The following ZNF132 variants were observed in gnomAD, a reference collection of about 807,000 sequenced individuals.
ZNF132 encodes the protein zinc finger protein 132.
In ZNF132, 6 loss-of-function variants were observed where a neutral mutation model predicts 9.3. That is an observed-to-expected ratio of 0.65 (90% CI 0.35 to 1.28). The LOEUF is 1.28. Among genes scored for constraint, ZNF132 ranks in the 50% most tolerant of loss-of-function variants. ZNF132 has a pLI of 0.03. For missense variants in ZNF132, 877 were observed against 843.2 expected (o/e 1.04, Z -0.50); for synonymous variants, 296 against 292.0 (o/e 1.01, Z -0.14).
chr19:58,437,706 T>C, intron 1 of ZNF132: 1 of 985,282 alleles, frequency 1.0e-6, no homozygotes, highest in Non-Finnish European at 1.2e-6. Flanking sequence ...CCCTAGCATC[T>C]CACCATGCAC....
chr19:58,436,908 C>G lies in ZNF132; in HGVS notation c.232+139G>C, dbSNP rs187508463. On this transcript the variant is annotated intron_variant, in intron 2 of 2. Coordinates refer to ENST00000254166, the MANE Select transcript of ZNF132 (RefSeq NM_003433.4). ...ACAGGGGAAGTACACACAGCAGAAC[C>G]TCAGCACCCCAGCACCTACAACAGG... The G allele has an allele frequency of 1.3e-4, 153 of 1,173,066 alleles. 1 individual carries two copies. Among genetic ancestry groups the G allele is most frequent in the African/African-American group, 6.6e-4 (44 of 66,502 alleles). The allele number at this position is 1,173,066 out of a possible 1,614,324, so 72.7% of individuals were successfully genotyped here.
At chr19:58,438,110 C>T (rs778807443) in intron 1 of ZNF132, among the ~76,000 whole-genome samples, 45 of 152,252 alleles carry the variant, frequency 3.0e-4, no homozygotes, top group African/African-American at 6.0e-4. Flanking sequence ...GAAGGATGGC[C>T]GCAACAATGT....
chr19:58,438,724 C>G (rs1048090024), intron 1 of ZNF132, among the ~76,000 whole-genome samples: 18 of 151,356 alleles, frequency 1.2e-4, no homozygotes, highest in African/African-American at 4.1e-4. Context: ...CCACCTGCCT[C>G]GGCCTCCCAA....
At position 58,434,186 on chromosome 19, in the gene ZNF132, G is replaced by T; in HGVS notation, c.1258C>A (p.Gln420Lys). Reference sequence around the variant, plus strand: ...TCTCCAGTGTGAACTCTCCAGTGCTGAATGAGAGCAGAGCTTCGGCTGAAG... The same window carrying T: ...TCTCCAGTGTGAACTCTCCAGTGCTTAATGAGAGCAGAGCTTCGGCTGAAG... ...KSFSRSSALI[Q>K]HWRVHTGERP... Residue 420 changes from glutamine (Q) to lysine (K), a missense_variant, in exon 3 of 3, where the codon CAG becomes AAG. By Grantham distance (53) the Gln-to-Lys change is moderately conservative (BLOSUM62 1). Transcript: ENST00000254166. 1 of 1,614,202 alleles carries T rather than the reference G, an allele frequency of 6.2e-7. No individual in the cohort carries two copies. Among genetic ancestry groups the T allele is most frequent in the Non-Finnish European group, 8.5e-7 (1 of 1,180,042 alleles).
chr19:58,440,069 G>A lies in ZNF132; in HGVS notation c.-248C>T, dbSNP rs955991880. 7.8e-6 allele frequency: 4 copies of A among 515,758 alleles called. 1 individual carries two copies. Among genetic ancestry groups the A allele is most frequent in the Middle Eastern group, 9.5e-4 (2 of 2,096 alleles). 31.9% of individuals were successfully genotyped at this position (515,758 alleles called of 1,614,324 possible). A position where few individuals can be genotyped will look rare whatever the true frequency, so the allele number is the denominator to read the frequency against. ...TGGTGCGTGTGAAGGCGCGGTGACG[G>A]TCCCTGCACCCACTCCCGTGCCCTG... On this transcript the variant is annotated 5_prime_UTR_variant, in exon 1 of 3. Coordinates refer to ENST00000254166, the MANE Select transcript of ZNF132 (RefSeq NM_003433.4).
chr19:58,435,292 T>C (rs947422760), intron 2 of ZNF132, 81 bp from the exon 3 acceptor site: 3 of 1,493,522 alleles, frequency 2.0e-6, no homozygotes, highest in African/African-American at 2.8e-5. Context: ...TACCCAGGAA[T>C]TCACACCCAA....
chr19:58,437,673 C>T (rs1370057137), intron 1 of ZNF132: 1 of 976,176 alleles, frequency 1.0e-6, no homozygotes, highest in East Asian at 1.1e-4. Context: ...CCAACCCCTC[C>T]CTGTTCACAC....
At position 58,437,169 on chromosome 19, in the gene ZNF132, A is replaced by G. The variant is rs765002621; in HGVS notation, c.110T>C (p.Met37Thr). The G allele has an allele frequency of 1.2e-6, 2 of 1,612,934 alleles. No individual in the cohort carries two copies. The highest frequency in any genetic ancestry group is 1.7e-4 in the Middle Eastern group (1 of 6,054). The change falls in exon 2 of 3, where the codon ATG becomes ACG. Residue 37 changes from methionine to threonine, a missense_variant. Transcript: ENST00000254166. ...TACAGCCACATCTTCAAAGGTTACC[A>G]TGCTCTTCAATGTGGGGACAGCTGA... ...CGSAVPTLKS[M>T]VTFEDVAVYF...
chr19:58,433,514 G>A lies in ZNF132; in HGVS notation c.1930C>T (p.Arg644Cys), dbSNP rs770180103. The change falls in exon 3 of 3, where the codon CGT (arginine) becomes TGT (cysteine). Residue 644 changes from arginine (R) to cysteine (C), a missense_variant. Physicochemically the swap from Arg to Cys is radical, Grantham distance 180. Coordinates refer to ENST00000254166, the MANE Select transcript of ZNF132 (RefSeq NM_003433.4). Reference protein sequence around the residue: ...RAFSSNSHLVRHQRVHTQERP... With the variant: ...RAFSSNSHLVCHQRVHTQERP... ...TCTTGTGTGTGAACTCTCTGATGAC[G>A]AACCAGGTGGGAGTTACTGCTAAAG... 1.2e-5 allele frequency: 19 copies of A among 1,613,864 alleles called. No homozygotes were observed. The highest frequency in any genetic ancestry group is 8.0e-5 in the African/African-American group (6 of 74,822).
At chr19:58,436,979 C>A (rs777032589) in intron 2 of ZNF132, 68 bp downstream of exon 2, 7 of 1,609,374 alleles carry the variant, frequency 4.3e-6, no homozygotes, top group Non-Finnish European at 5.9e-6. Context: ...TTGGGATGAA[C>A]AGAGCTTTCT....
chr19:58,438,055 A>G (rs1440724285), intron 1 of ZNF132, among the ~76,000 whole-genome samples: 7 of 151,774 alleles, frequency 4.6e-5, no homozygotes, highest in South Asian at 2.1e-4. Flanking sequence ...CCTGACAAAA[A>G]CCCCAGGACC....
Position 58,433,649 on chromosome 19 carries a change from A to G in ZNF132, c.1795T>C (p.Tyr599His). 1 of 1,614,160 alleles carries G rather than the reference A, an allele frequency of 6.2e-7. No individual in the cohort carries two copies. Among genetic ancestry groups the G allele is most frequent in the East Asian group, 2.2e-5 (1 of 44,884 alleles). Reference sequence around the variant, plus strand: ...AATTTCCCACATTCACTGCATTTATAAGGCTTTTCTCCAGTATGAACTTTC... The same window carrying G: ...AATTTCCCACATTCACTGCATTTATGAGGCTTTTCTCCAGTATGAACTTTC... ...HQKVHTGEKP[Y>H]KCSECGKFFS... The change falls in exon 3 of 3, where the codon TAT becomes CAT. Residue 599 changes from tyrosine to histidine, a missense_variant. Transcript: ENST00000254166.
chr19:58,439,702 C>G, intron 1 of ZNF132, 57 bp downstream of exon 1: 1 of 1,479,320 alleles, frequency 6.8e-7, no homozygotes, highest in Admixed American at 2.6e-5. Context: ...ATCTGGGCTT[C>G]AGGATCCTGA....
intron 2 of ZNF132, chr19:58,435,473 G>T: frequency 2.6e-6 from 1 of 388,370 alleles, no homozygotes; most frequent in East Asian, 4.4e-5. Context: ...TTCTCTAAAA[G>T]AAGATATATA....
At chr19:58,436,167 C>A (rs184248684) in intron 2 of ZNF132, 6 of 153,620 alleles carry the variant, frequency 3.9e-5, no homozygotes, top group African/African-American at 1.2e-4. Flanking sequence ...TTGCCTAGGA[C>A]CGGGGGGAAA....
In ZNF132 at chr19:58,434,457, G is replaced by A; in HGVS notation, c.987C>T (p.Asn329=). Residue 329 remains asparagine, a synonymous_variant, in exon 3 of 3, where the codon AAC becomes AAT. Transcript: ENST00000254166. ...GATGATGAACAAATGTGAGTTTGTGGTTGAAGGTTTTCCCACATGCAATGC... is the reference window on the plus strand; with the variant it reads ...GATGATGAACAAATGTGAGTTTGTGATTGAAGGTTTTCCCACATGCAATGC... ...YECIACGKTF[N]HKLTFVHHQR... The A allele has an allele frequency of 1.2e-6, 2 of 1,614,206 alleles. No individual in the cohort carries two copies. The highest frequency in any genetic ancestry group is 1.7e-6 in the Non-Finnish European group (2 of 1,180,048).
rs781624681 is a variant in ZNF132, at chr19:58,433,889, C to T, written c.1555G>A (p.Glu519Lys). Reference sequence around the variant, plus strand: ...CTGCGGCTGAAGGATTTCCTACATTCGCTGCACTCATAAGGCCTTTGCCCA... The same window carrying T: ...CTGCGGCTGAAGGATTTCCTACATTTGCTGCACTCATAAGGCCTTTGCCCA... ...HTGQRPYECS[E>K]CRKSFSRSSS... The change falls in exon 3 of 3, where the codon GAA becomes AAA. Residue 519 changes from glutamate to lysine, a missense_variant. By Grantham distance (56) the Glu-to-Lys change is moderately conservative. Transcript: ENST00000254166. 1.5e-5 allele frequency: 24 copies of T among 1,613,804 alleles called. 1 individual carries two copies. Among genetic ancestry groups the T allele is most frequent in the East Asian group, 6.7e-5 (3 of 44,872 alleles).
chr19:58,437,424 C>T (rs1356296534), intron 1 of ZNF132, among the ~76,000 whole-genome samples: 1 of 152,166 alleles, frequency 6.6e-6, no homozygotes, highest in Admixed American at 6.5e-5. Context: ...CTAGTAGTCC[C>T]ACTGGTCACT....
In ZNF132 at chr19:58,437,210, A is replaced by G. The variant is rs2052778498; in HGVS notation, c.69T>C (p.Thr23=). The stretch of plus-strand genomic sequence containing the variant: ...GGACAGCTGAGCCACAGGGCCAAGA[A>G]GTATGCTGACAAAGAAACAAACAAT... The part of the protein sequence containing the change: ...PALLMGPAQH[T]SWPCGSAVPT... Residue 23 remains threonine (T), a synonymous_variant, in exon 2 of 3, where the codon ACT becomes ACC. Coordinates refer to ENST00000254166, the MANE Select transcript of ZNF132 (RefSeq NM_003433.4). 1 of 1,592,012 alleles carries G rather than the reference A, an allele frequency of 6.3e-7. No homozygotes were observed.
Sources: gnomAD v4.1 joint callset for allele counts (sites outside exome capture counted in the v4.1 genomes callset) on GRCh38, gnomAD v4.1.1 for gene constraint, MANE v1.5 for transcripts, NCBI Gene and HGNC (gene_info 2026-07-23, HGNC 2026-07-21) for gene names.